TENM4: variants seen among roughly 807,000 people sequenced by gnomAD.
TENM4 encodes the protein teneurin transmembrane protein 4.
TENM4 carries 82 observed loss-of-function variants against 243.3 expected under a neutral mutation model. That is an observed-to-expected ratio of 0.34 (90% CI 0.28 to 0.40). The LOEUF (loss-of-function observed/expected upper bound fraction) is 0.40. Among genes scored for constraint, TENM4 ranks in the 10% least tolerant of loss-of-function variants. The pLI is 1.00. For synonymous variants in TENM4, 1,412 were observed against 1,456.3 expected, an observed-to-expected ratio of 0.97 and a Z score of 0.69; for missense variants, 3,138 against 3,673.3, an observed-to-expected ratio of 0.85 and a Z score of 3.77.
chr11:78,677,057 T>C (rs924521027), intron 29 of TENM4, among the ~76,000 whole-genome samples: 2 of 152,172 alleles, frequency 1.3e-5, no homozygotes, highest in Non-Finnish European at 1.5e-5. Flanking sequence ...AATCGGATCA[T>C]AGTGATGATT....
intron 4 of TENM4, among the ~76,000 whole-genome samples, chr11:79,075,853 A>G (rs866934836): frequency 6.6e-6 from 1 of 152,226 alleles, no homozygotes; most frequent in Admixed American, 6.5e-5. Flanking sequence ...TGCCTTAGAG[A>G]AGAATTCATT....
chr11:79,098,222 C>T (rs1310980225), intron 4 of TENM4, among the ~76,000 whole-genome samples: 1 of 40,000 alleles, frequency 2.5e-5, no homozygotes, highest in Non-Finnish European at 5.4e-5. Flanking sequence ...GTCTCCCCCA[C>T]CCCCCCCCAT....
At chr11:79,439,157 G>C (rs569542687) in intron 1 of TENM4, 24 of 143,244 alleles carry the variant, frequency 1.7e-4, no homozygotes, top group African/African-American at 6.3e-4. Flanking sequence ...TTGGAATCCC[G>C]AGCTTGCCCC....
At chr11:79,143,975 C>T (rs1196047656) in intron 4 of TENM4, among the ~76,000 whole-genome samples, 1 of 151,908 alleles carries the variant, frequency 6.6e-6, no homozygotes, top group Non-Finnish European at 1.5e-5. Flanking sequence ...AAAGCCTCTG[C>T]ACAGCAAAGA....
intron 3 of TENM4, among the ~76,000 whole-genome samples, chr11:79,196,092 C>T (rs560277055): frequency 2.0e-5 from 3 of 152,136 alleles, no homozygotes; most frequent in Admixed American, 6.5e-5. Context: ...GTTAGAAGTG[C>T]CTTTCGCCTC....
intron 4 of TENM4, among the ~76,000 whole-genome samples, chr11:79,141,183 T>C (rs928072010): frequency 3.3e-5 from 5 of 152,078 alleles, no homozygotes; most frequent in Non-Finnish European, 7.4e-5. Flanking sequence ...ATTCCTCACC[T>C]GAAAATGGAA....
At chr11:78,663,700 AT>A (rs747123947) in intron 32 of TENM4, among the ~76,000 whole-genome samples, 4 of 152,132 alleles carry the variant, frequency 2.6e-5, no homozygotes, top group Non-Finnish European at 5.9e-5. Flanking sequence ...TCTTTTCCTT[AT>A]AAATTACCCA....
At position 79,366,730 on chromosome 11, in the gene TENM4, G is replaced by A. The variant is rs373904239; in HGVS notation, c.-320-69187C>T. ...TTGTAAGCTCCTTGAGGCCTGGGAA[G>A]GTACTATATTCTTTCTTGTGTTTCT... On this transcript the variant is annotated intron_variant, in intron 1 of 33. Transcript: ENST00000278550. Among the ~76,000 whole-genome samples the A allele has an allele frequency of 5.9e-5, 9 of 152,294 alleles. No individual in the cohort carries two copies. In the South Asian group the frequency reaches 1.2e-3, roughly 21 times the overall value.
chr11:79,082,545 G>A (rs974220030), intron 4 of TENM4, among the ~76,000 whole-genome samples: 2 of 140,828 alleles, frequency 1.4e-5, no homozygotes, highest in Non-Finnish European at 3.2e-5. Flanking sequence ...CTATGCCTGA[G>A]AACTGCCCTG....
At chr11:79,001,484 C>A (rs541663759) in intron 6 of TENM4, among the ~76,000 whole-genome samples, 23 of 151,984 alleles carry the variant, frequency 1.5e-4, no homozygotes, top group Non-Finnish European at 3.1e-4. Context: ...GAGACCCCCC[C>A]CAAATCCCAT....
chr11:79,323,701 C>A (rs1856928719), intron 1 of TENM4, among the ~76,000 whole-genome samples: 2 of 152,188 alleles, frequency 1.3e-5, no homozygotes, highest in Non-Finnish European at 2.9e-5. Flanking sequence ...TTTCATCCAA[C>A]TAGGACTTAA....
At chr11:78,957,375 TG>T (rs751424339) in intron 6 of TENM4, among the ~76,000 whole-genome samples, 3 of 152,216 alleles carry the variant, frequency 2.0e-5, no homozygotes, top group Non-Finnish European at 2.9e-5. Flanking sequence ...AAAATCTCAC[TG>T]GACCTTCCTT....
At chr11:78,725,665 C>A (rs1199692529) in intron 23 of TENM4, among the ~76,000 whole-genome samples, 2 of 152,214 alleles carry the variant, frequency 1.3e-5, no homozygotes, top group African/African-American at 4.8e-5. Context: ...GTTCTCCCTA[C>A]TTGATACACA....
intron 6 of TENM4, among the ~76,000 whole-genome samples, chr11:78,916,401 C>G (rs192997930): frequency 8.9e-4 from 135 of 152,290 alleles, no homozygotes; most frequent in African/African-American, 1.2e-3. Context: ...GCTATAGGGT[C>G]TCCAAGGGCA....
chr11:79,428,493 T>C (rs1253971764), intron 1 of TENM4, among the ~76,000 whole-genome samples: 1 of 152,238 alleles, frequency 6.6e-6, no homozygotes, highest in African/African-American at 2.4e-5. Flanking sequence ...TCTCTTCCAC[T>C]TGAAGAATGC....
chr11:79,226,472 A>G (rs1864267511), intron 2 of TENM4, among the ~76,000 whole-genome samples: 3 of 152,218 alleles, frequency 2.0e-5, no homozygotes, highest in Admixed American at 2.0e-4. Flanking sequence ...TGGAATAACC[A>G]TTGAACACAG....
At chr11:79,216,339 G>A (rs1864050343) in intron 2 of TENM4, among the ~76,000 whole-genome samples, 1 of 152,216 alleles carries the variant, frequency 6.6e-6, no homozygotes, top group Non-Finnish European at 1.5e-5. Context: ...ACTGCATACT[G>A]TGATGGGAGT....
At chr11:78,948,957 CGT>C (rs759945268) in intron 6 of TENM4, among the ~76,000 whole-genome samples, 80 of 152,158 alleles carry the variant, frequency 5.3e-4, no homozygotes, top group Admixed American at 1.0e-3. Flanking sequence ...CATCTTACTG[CGT>C]CATATTAGGA....
intron 26 of TENM4, among the ~76,000 whole-genome samples, chr11:78,710,298 G>A (rs891922787): frequency 6.6e-6 from 1 of 152,208 alleles, no homozygotes; most frequent in Non-Finnish European, 1.5e-5. Flanking sequence ...ATGAGAAAGT[G>A]GCTGGCACTT....
Sources: allele counts gnomAD v4.1 joint callset (sites outside exome capture counted in the v4.1 genomes callset), GRCh38; gene constraint gnomAD v4.1.1; transcripts MANE v1.5; gene names NCBI Gene and HGNC (gene_info 2026-07-23, HGNC 2026-07-21).